Variants in KLF12 observed in about 807,000 individuals in gnomAD.
The protein encoded by KLF12 is KLF transcription factor 12.
KLF12 carries 9 observed loss-of-function variants against 37.8 expected under a neutral mutation model. That is an observed-to-expected ratio of 0.24 (90% confidence interval 0.14 to 0.42). The LOEUF is 0.42. Among genes scored for constraint, KLF12 ranks in the 10% least tolerant of loss-of-function variants. The pLI, the probability that KLF12 is intolerant of heterozygous loss-of-function variation, is 1.00. For synonymous variants in KLF12, 208 were observed against 202.1 expected, an observed-to-expected ratio of 1.03 and a Z score of -0.25; for missense variants, 411 against 516.0, an observed-to-expected ratio of 0.80 and a Z score of 1.97.
At chr13:74,185,022 C>T in the KLF12 span, among the ~76,000 whole-genome samples, 1 of 152,210 alleles carries the variant, frequency 6.6e-6, no homozygotes, top group Middle Eastern at 3.4e-3. Context: ...CATTAAGTGC[C>T]TCTTTAAATC....
the KLF12 span, among the ~76,000 whole-genome samples, chr13:74,283,928 C>T: frequency 2.7e-4 from 41 of 150,160 alleles, no homozygotes; most frequent in Non-Finnish European, 5.3e-4. Context: ...GACAGGATCT[C>T]GGCTCACTGC....
intron 3 of KLF12, among the ~76,000 whole-genome samples, chr13:73,873,632 A>C (rs1044577575): frequency 1.3e-5 from 2 of 152,186 alleles, no homozygotes; most frequent in African/African-American, 4.8e-5. Flanking sequence ...AAAACTATAT[A>C]AACCTTTGCT....
At chr13:73,946,834 T>A (rs895511731) in intron 2 of KLF12, among the ~76,000 whole-genome samples, 1 of 152,196 alleles carries the variant, frequency 6.6e-6, no homozygotes, top group African/African-American at 2.4e-5. Flanking sequence ...TCAATCCTCA[T>A]AAACAAAAGC....
intron 2 of KLF12, among the ~76,000 whole-genome samples, chr13:73,969,070 T>G (rs2138090366): frequency 6.6e-6 from 1 of 152,088 alleles, no homozygotes; most frequent in East Asian, 1.9e-4. Context: ...TCGAAAATTC[T>G]TCTACTATAT....
At chr13:74,115,425 C>G (rs1056793972) in intron 1 of KLF12, among the ~76,000 whole-genome samples, 4 of 152,156 alleles carry the variant, frequency 2.6e-5, no homozygotes, top group African/African-American at 9.7e-5. Flanking sequence ...ATCTTTTCCA[C>G]CGGGCATGGT....
At chr13:74,087,281 C>T (rs942464417) in intron 1 of KLF12, among the ~76,000 whole-genome samples, 21 of 152,206 alleles carry the variant, frequency 1.4e-4, no homozygotes, top group Non-Finnish European at 2.8e-4. Flanking sequence ...AACGTCGACA[C>T]AGGTCCTCTG....
chr13:74,295,959 A>G, the KLF12 span, among the ~76,000 whole-genome samples: 1 of 151,616 alleles, frequency 6.6e-6, no homozygotes, highest in Admixed American at 6.6e-5. Flanking sequence ...GATGATAGAC[A>G]TGCGCCTCCC....
chr13:73,998,216 T>C (rs192323154), intron 1 of KLF12, among the ~76,000 whole-genome samples: 82 of 152,326 alleles, frequency 5.4e-4, no homozygotes, highest in Admixed American at 3.4e-3. Flanking sequence ...CATTATATTA[T>C]ACTACAGTAC....
At chr13:74,031,468 CTTTTA>C (rs746959344) in intron 1 of KLF12, among the ~76,000 whole-genome samples, 55 of 152,152 alleles carry the variant, frequency 3.6e-4, no homozygotes, top group Non-Finnish European at 6.6e-4. Context: ...CATCATGTCT[CTTTTA>C]TTTTATTTAG....
intron 1 of KLF12, among the ~76,000 whole-genome samples, chr13:74,065,059 T>G (rs1873825227): frequency 3.9e-5 from 6 of 152,160 alleles, no homozygotes; most frequent in Admixed American, 3.9e-4. Context: ...CTGATTCATA[T>G]ATACATAGAC....
At chr13:73,737,537 G>C (rs957657264) in intron 6 of KLF12, among the ~76,000 whole-genome samples, 3 of 152,206 alleles carry the variant, frequency 2.0e-5, no homozygotes, top group African/African-American at 7.2e-5. Context: ...TGTGATTCTA[G>C]TATACTAAAA....
At chr13:74,046,987 A>C (rs934120786) in intron 1 of KLF12, among the ~76,000 whole-genome samples, 1 of 152,200 alleles carries the variant, frequency 6.6e-6, no homozygotes, top group East Asian at 1.9e-4. Context: ...GAACTACTGA[A>C]AAACAGGAAA....
chr13:74,128,902 G>C lies in KLF12; in HGVS notation c.-32+4837C>G, dbSNP rs562114925. The stretch of plus-strand genomic sequence containing the variant: ...AAATTTTACTGTAATTCTTGCTCTT[G>C]TGTATGGTGTGTGTGGGTGGGTTAT... On this transcript the variant is annotated intron_variant, in intron 1 of 7. Coordinates refer to ENST00000377669, the MANE Select transcript of KLF12 (RefSeq NM_007249.5). Among the ~76,000 whole-genome samples the C allele has an allele frequency of 3.1e-4, 47 of 151,948 alleles. No individual in the cohort carries two copies. The South Asian group carries it at 6.9e-3, about 22-fold the overall frequency.
intron 6 of KLF12, among the ~76,000 whole-genome samples, chr13:73,752,546 C>T (rs959205610): frequency 5.5e-5 from 8 of 145,410 alleles, no homozygotes; most frequent in Non-Finnish European, 1.2e-4. Context: ...AACTAGGTGT[C>T]ATCCTTGATT....
At chr13:73,851,593 TAACA>T (rs1176143258) in intron 3 of KLF12, among the ~76,000 whole-genome samples, 1 of 152,226 alleles carries the variant, frequency 6.6e-6, no homozygotes, top group African/African-American at 2.4e-5. Context: ...GACAATAATA[TAACA>T]AATAGATTCA....
intron 1 of KLF12, among the ~76,000 whole-genome samples, chr13:74,038,224 T>C (rs1893309224): frequency 6.6e-6 from 1 of 152,240 alleles, no homozygotes; most frequent in Admixed American, 6.5e-5. Flanking sequence ...GAATCTCCTG[T>C]GTCTGAGGAA....
the KLF12 span, among the ~76,000 whole-genome samples, chr13:74,219,512 T>G: frequency 6.6e-6 from 1 of 152,232 alleles, no homozygotes; most frequent in Non-Finnish European, 1.5e-5. Context: ...ATGTACATCT[T>G]TTTATGCTTG....
chr13:74,257,479 A>G, the KLF12 span: 13 of 152,180 alleles, frequency 8.5e-5, no homozygotes, highest in South Asian at 2.1e-4. Flanking sequence ...CAAGAGCTTG[A>G]TGGTCAGTGT....
At chr13:74,065,693 T>G (rs1456671164) in intron 1 of KLF12, among the ~76,000 whole-genome samples, 1 of 152,050 alleles carries the variant, frequency 6.6e-6, no homozygotes, top group South Asian at 2.1e-4. Context: ...TCTGAGCCCA[T>G]GAAGCAGTGT....
Sources: gnomAD v4.1 joint callset for allele counts (sites outside exome capture counted in the v4.1 genomes callset) on GRCh38, gnomAD v4.1.1 for gene constraint, MANE v1.5 for transcripts, NCBI Gene and HGNC (gene_info 2026-07-23, HGNC 2026-07-21) for gene names.